PLEKHD1: variants seen among roughly 807,000 people sequenced by gnomAD.
PLEKHD1 encodes pleckstrin homology and coiled-coil domain containing D1.
In PLEKHD1, 51 loss-of-function variants were observed where a neutral mutation model predicts 69.2. The ratio of observed to expected loss-of-function variants is 0.74; its 90% CI spans 0.59 to 0.93. The LOEUF is 0.93. PLEKHD1 is among the 40% of genes least tolerant of loss of function. The pLI, the probability that PLEKHD1 is intolerant of heterozygous loss-of-function variation, is 0.00. For missense variants in PLEKHD1, 584 were observed against 641.0 expected (o/e 0.91, Z 0.96); for synonymous variants, 236 against 244.7 (o/e 0.96, Z 0.33).
chr14:69,512,584 A>G (rs75256122), intron 6 of PLEKHD1, among the ~76,000 whole-genome samples: 1 of 151,916 alleles, frequency 6.6e-6, no homozygotes, highest in Non-Finnish European at 1.5e-5. Flanking sequence ...GATGAGTTGT[A>G]TTTTCATTTA....
intron 6 of PLEKHD1, 35 bp from the exon 7 acceptor site, chr14:69,522,248 C>G: frequency 6.5e-7 from 1 of 1,544,636 alleles, no homozygotes; most frequent in Non-Finnish European, 8.8e-7. Context: ...TCCTTTGCTG[C>G]CTGTGACTCT....
At chr14:69,479,184 C>T in the PLEKHD1 span, among the ~76,000 whole-genome samples, 2 of 152,166 alleles carry the variant, frequency 1.3e-5, no homozygotes, top group African/African-American at 2.4e-5. Flanking sequence ...TCTGGTGAGA[C>T]TTATTCACTA....
At chr14:69,498,674 T>G (rs1446767148) in intron 1 of PLEKHD1, among the ~76,000 whole-genome samples, 1 of 151,604 alleles carries the variant, frequency 6.6e-6, no homozygotes, top group Non-Finnish European at 1.5e-5. Flanking sequence ...TGAGATGGAG[T>G]CTCACTCGTG....
At chr14:69,490,379 G>C (rs1882751185) in intron 1 of PLEKHD1, among the ~76,000 whole-genome samples, 1 of 152,200 alleles carries the variant, frequency 6.6e-6, no homozygotes, top group South Asian at 2.1e-4. Context: ...GATCTGACAG[G>C]AGGCGGAGCT....
chr14:69,485,067 G>T lies in PLEKHD1; in HGVS notation c.102G>T (p.Val34=). 2.6e-6 allele frequency: 4 copies of T among 1,551,320 alleles called. No individual in the cohort carries two copies. The highest frequency in any genetic ancestry group is 3.5e-6 in the Non-Finnish European group (4 of 1,146,870). ...DISTKVQLYG[V]LWKRPFGRPS... is the part of the protein sequence containing the mutation. ...GCACCAAAGTGCAGCTCTACGGCGTGCTGTGGAAGAGGCCTTTCGGCAGGC... is the reference window on the plus strand; with the variant it reads ...GCACCAAAGTGCAGCTCTACGGCGTTCTGTGGAAGAGGCCTTTCGGCAGGC... The change falls in exon 1 of 13, where the codon GTG becomes GTT. Residue 34 remains valine, a synonymous_variant. Transcript: ENST00000322564.
chr14:69,488,670 G>A (rs2139492223), intron 1 of PLEKHD1, among the ~76,000 whole-genome samples: 1 of 152,234 alleles, frequency 6.6e-6, no homozygotes, highest in East Asian at 1.9e-4. Flanking sequence ...GTTGGGGAGG[G>A]GACAGAGCAG....
At chr14:69,519,629 A>G (rs1883463435) in intron 6 of PLEKHD1, among the ~76,000 whole-genome samples, 1 of 152,254 alleles carries the variant, frequency 6.6e-6, no homozygotes, top group Non-Finnish European at 1.5e-5. Context: ...TCTCAGAGGC[A>G]TAGCTGGGAT....
chr14:69,477,765 G>T, the PLEKHD1 span, among the ~76,000 whole-genome samples: 3 of 152,224 alleles, frequency 2.0e-5, no homozygotes, highest in Non-Finnish European at 2.9e-5. Context: ...GCAAGAGGTA[G>T]GTTCCCATAG....
chr14:69,487,332 C>T (rs1165476336), intron 1 of PLEKHD1, among the ~76,000 whole-genome samples: 1 of 152,198 alleles, frequency 6.6e-6, no homozygotes, highest in African/African-American at 2.4e-5. Context: ...GCCCCCTGGG[C>T]CCCAGCTTCC....
intron 8 of PLEKHD1, among the ~76,000 whole-genome samples, chr14:69,524,881 C>T (rs566927477): frequency 5.1e-4 from 78 of 152,128 alleles, no homozygotes; most frequent in African/African-American, 1.8e-3. Flanking sequence ...ACTGCTCCTC[C>T]ATGCCCTGCA....
At chr14:69,502,514 T>C in intron 5 of PLEKHD1, 1 of 390,026 alleles carries the variant, frequency 2.6e-6, no homozygotes, top group Non-Finnish European at 4.8e-6. Context: ...AGCCAGACAT[T>C]AGTGCAGGTG....
the PLEKHD1 span, among the ~76,000 whole-genome samples, chr14:69,468,540 CCTTCCTTT>C: frequency 5.2e-5 from 7 of 135,106 alleles, no homozygotes. Flanking sequence ...ATATTTCCTT[CCTTCCTTT>C]CTTTCTTTCT....
chr14:69,501,982 C>T (rs1481030095), intron 5 of PLEKHD1, 157 bp downstream of exon 5: 10 of 592,268 alleles, frequency 1.7e-5, no homozygotes, highest in Admixed American at 9.6e-5. Flanking sequence ...TCCTGGTACA[C>T]TACGCATCCT....
At position 69,526,777 on chromosome 14, in the gene PLEKHD1, A is replaced by G; in HGVS notation, c.1004A>G (p.Asn335Ser). Residue 335 changes from asparagine to serine, a missense_variant, in exon 10 of 13, where the codon AAC (asparagine) becomes AGC (serine). Asn to Ser is a conservative substitution (Grantham distance 46). Coordinates refer to ENST00000322564, the MANE Select transcript of PLEKHD1 (RefSeq NM_001161498.2). ...FYSSQSQALQ[N>S]SLQELTAEKQ... ...TCCAGCCAGTCCCAGGCACTGCAGAACTCGCTGCAGGAGCTGACGGCAGAG... is the reference window on the plus strand; with the variant it reads ...TCCAGCCAGTCCCAGGCACTGCAGAGCTCGCTGCAGGAGCTGACGGCAGAG... The G allele has an allele frequency of 6.4e-7, 1 of 1,550,412 alleles. No individual in the cohort carries two copies. The highest frequency in any genetic ancestry group is 8.7e-7 in the Non-Finnish European group (1 of 1,146,504).
chr14:69,501,557 G>A (rs563039558), intron 4 of PLEKHD1, 177 bp from the exon 5 acceptor site: 17 of 547,850 alleles, frequency 3.1e-5, no homozygotes, highest in Middle Eastern at 2.9e-4. Context: ...TAACTGATCC[G>A]TGCTGGTGAC....
At chr14:69,508,381 G>T (rs1434312918) in intron 6 of PLEKHD1, among the ~76,000 whole-genome samples, 1 of 151,776 alleles carries the variant, frequency 6.6e-6, no homozygotes, top group South Asian at 2.1e-4. Flanking sequence ...ACTACAGCCT[G>T]GGTGACAGAG....
chr14:69,503,924 G>T (rs1883094810), intron 6 of PLEKHD1, among the ~76,000 whole-genome samples: 1 of 151,600 alleles, frequency 6.6e-6, no homozygotes, highest in Non-Finnish European at 1.5e-5. Flanking sequence ...CTGTTCTGAG[G>T]AGTCATTACC....
At chr14:69,509,092 T>C (rs1240371926) in intron 6 of PLEKHD1, among the ~76,000 whole-genome samples, 3 of 152,198 alleles carry the variant, frequency 2.0e-5, no homozygotes, top group Non-Finnish European at 4.4e-5. Context: ...CTTGCATTCC[T>C]GAACACAAGT....
upstream of PLEKHD1, among the ~76,000 whole-genome samples, chr14:69,480,108 A>G (rs1230193736): frequency 6.6e-6 from 1 of 152,262 alleles, no homozygotes; most frequent in Non-Finnish European, 1.5e-5. Context: ...GACGTGTGTT[A>G]GAATGGGCGA....
Sources: gnomAD v4.1 joint callset for allele counts (sites outside exome capture counted in the v4.1 genomes callset) on GRCh38, gnomAD v4.1.1 for gene constraint, MANE v1.5 for transcripts, NCBI Gene and HGNC (gene_info 2026-07-23, HGNC 2026-07-21) for gene names.